The following KIAA0930 variants were observed in gnomAD, a reference collection of about 807,000 sequenced individuals.
The protein encoded by KIAA0930 is uncharacterized protein KIAA0930.
KIAA0930 carries 24 observed loss-of-function variants against 43.9 expected under a neutral mutation model. The ratio of observed to expected loss-of-function variants is 0.55; its 90% CI spans 0.40 to 0.77. The LOEUF (loss-of-function observed/expected upper bound fraction) is 0.77. Ranked by LOEUF, KIAA0930 falls within the 30% of genes least tolerant of loss-of-function variation. The probability of loss-of-function intolerance (pLI) is 0.00; values close to 1 mark genes in which losing one functional copy is unlikely to be tolerated. For missense variants in KIAA0930, 461 were observed against 574.2 expected, an observed-to-expected ratio of 0.80 and a Z score of 2.02; for synonymous variants, 259 against 216.4, an observed-to-expected ratio of 1.20 and a Z score of -1.73.
At chr22:45,216,064 A>T (rs1339651050) in intron 1 of KIAA0930, among the ~76,000 whole-genome samples, 2 of 151,854 alleles carry the variant, frequency 1.3e-5, no homozygotes, top group Admixed American at 1.3e-4. Flanking sequence ...GGGAGAGTGG[A>T]GAGAAAAGAG....
intron 1 of KIAA0930, among the ~76,000 whole-genome samples, chr22:45,219,689 T>C (rs2083756195): frequency 6.9e-6 from 1 of 145,654 alleles, no homozygotes; most frequent in African/African-American, 2.5e-5. Flanking sequence ...TTTCCTGGGC[T>C]CAAGCCATCC....
intron 1 of KIAA0930, among the ~76,000 whole-genome samples, chr22:45,216,950 A>C (rs1323737207): frequency 6.6e-6 from 1 of 152,208 alleles, no homozygotes; most frequent in African/African-American, 2.4e-5. Context: ...TGAACACTGA[A>C]TTAGTCAGTA....
At chr22:45,205,771 C>G in intron 3 of KIAA0930, 22 bp downstream of exon 3, 4 of 710,662 alleles carry the variant, frequency 5.6e-6, no homozygotes, top group Non-Finnish European at 9.8e-6. Flanking sequence ...CAATCCGCAG[C>G]CCCACCCATC....
chr22:45,211,956 C>T lies in KIAA0930; in HGVS notation c.216G>A (p.Lys72=), dbSNP rs1441077572. The T allele has an allele frequency of 3.1e-6, 5 of 1,610,482 alleles. No homozygotes were observed. ...GGGGCAGGGGCCGGGGGTCACTCAC[C>T]TTCCTCCCGTCTGCACCGCTTTCGC... The part of the protein sequence containing the change: ...SGSESGADGR[K]AAEPEVEVEV... Residue 72 remains lysine (K), a splice_region_variant and synonymous_variant, in exon 2 of 10, where the codon AAG becomes AAA. Transcript: ENST00000336156.
intron 1 of KIAA0930, among the ~76,000 whole-genome samples, chr22:45,220,913 G>A (rs2083764073): frequency 7.4e-6 from 1 of 134,812 alleles, no homozygotes; most frequent in Admixed American, 8.3e-5. Flanking sequence ...ACAAAACACT[G>A]CTTCCACCTT....
chr22:45,210,724 C>A (rs989814006), intron 2 of KIAA0930, among the ~76,000 whole-genome samples: 11 of 77,728 alleles, frequency 1.4e-4, no homozygotes, highest in African/African-American at 6.1e-4. Flanking sequence ...CCAGTCAGGC[C>A]TCCTCTTCAT....
intron 1 of KIAA0930, among the ~76,000 whole-genome samples, chr22:45,213,119 T>C (rs1174678465): frequency 6.6e-6 from 1 of 152,112 alleles, no homozygotes; most frequent in Non-Finnish European, 1.5e-5. Context: ...CAGAACCCTC[T>C]CTCGCGCTCA....
intron 4 of KIAA0930, 95 bp from the exon 5 acceptor site, chr22:45,205,413 GA>G: frequency 8.8e-7 from 1 of 1,133,614 alleles, no homozygotes; most frequent in East Asian, 2.4e-5. Flanking sequence ...ACCCGGCCCA[GA>G]GCCAGTCCAA....
intron 1 of KIAA0930, among the ~76,000 whole-genome samples, chr22:45,215,111 G>A (rs1460000549): frequency 2.0e-5 from 3 of 151,930 alleles, no homozygotes; most frequent in Admixed American, 6.6e-5. Flanking sequence ...CCAGCTACTC[G>A]GGAGGCTGAG....
At chr22:45,229,878 G>A (rs1012626642) in intron 1 of KIAA0930, among the ~76,000 whole-genome samples, 1 of 152,242 alleles carries the variant, frequency 6.6e-6, no homozygotes, top group Admixed American at 6.5e-5. Flanking sequence ...TGGATCACCT[G>A]AGGTCAGGAG....
chr22:45,230,112 C>T (rs1601826411), intron 1 of KIAA0930, among the ~76,000 whole-genome samples: 1 of 152,140 alleles, frequency 6.6e-6, no homozygotes, highest in Non-Finnish European at 1.5e-5. Flanking sequence ...ACATATGGGA[C>T]AATGCAGGTG....
At chr22:45,201,091 C>A in intron 7 of KIAA0930, 1 of 466,240 alleles carries the variant, frequency 2.1e-6, no homozygotes, top group Non-Finnish European at 4.4e-6. Context: ...GCCTCCTCGT[C>A]ACGGCTCCGA....
intron 9 of KIAA0930, among the ~76,000 whole-genome samples, 193 bp downstream of exon 9, chr22:45,197,597 G>A (rs76054837): frequency 0.067 from 10,228 of 152,290 alleles, 407 homozygotes; most frequent in Non-Finnish European, 0.086. Context: ...TGAACAAAGG[G>A]AGGACTTCAG....
At position 45,205,086 on chromosome 22, in the gene KIAA0930, G is replaced by A. The variant is rs2083624202; in HGVS notation, c.516+131C>T. The A allele has an allele frequency of 8.5e-6, 6 of 702,764 alleles. No homozygotes were observed. The Admixed American group carries it at 1.3e-4, about 16-fold the overall frequency. The allele number at this position is 702,764 out of a possible 1,614,324, so 43.5% of individuals were successfully genotyped here. On this transcript the variant is annotated intron_variant, in intron 5 of 9. Coordinates refer to ENST00000336156, the MANE Select transcript of KIAA0930 (RefSeq NM_001009880.2). ...ACTGGGAAGAGAGAGAGCCACATCT[G>A]CCTCAGCCGGACTCTTCCCGGCTCC...
intron 2 of KIAA0930, among the ~76,000 whole-genome samples, chr22:45,206,609 G>GA (rs1470388241): frequency 1.3e-5 from 2 of 152,102 alleles, no homozygotes; most frequent in Non-Finnish European, 2.9e-5. Context: ...CATGTTAACA[G>GA]ATCAGAGTCA....
intron 2 of KIAA0930, among the ~76,000 whole-genome samples, chr22:45,209,320 A>AGG (rs66491238): frequency 4.0e-5 from 6 of 151,710 alleles, no homozygotes; most frequent in African/African-American, 1.5e-4. Flanking sequence ...GGCTTTTGCC[A>AGG]GGGGGGGTCT....
At chr22:45,212,518 C>G in intron 1 of KIAA0930, 1 of 1,417,282 alleles carries the variant, frequency 7.1e-7, no homozygotes, top group Non-Finnish European at 9.2e-7. Context: ...TCACCAACAT[C>G]TCTCACCCCC....
At chr22:45,204,671 G>A (rs2083619919) in intron 5 of KIAA0930, among the ~76,000 whole-genome samples, 1 of 151,720 alleles carries the variant, frequency 6.6e-6, no homozygotes, top group Non-Finnish European at 1.5e-5. Context: ...AGACACAAAT[G>A]GGCAGAGCAG....
chr22:45,197,254 C>T (rs201130964), intron 9 of KIAA0930, 38 bp from the exon 10 acceptor site: 2 of 1,538,934 alleles, frequency 1.3e-6, no homozygotes, highest in African/African-American at 2.8e-5. Context: ...AAACAGTAAC[C>T]CTCAACAGCG....
Sources: gnomAD v4.1 joint callset for allele counts (sites outside exome capture counted in the v4.1 genomes callset) on GRCh38, gnomAD v4.1.1 for gene constraint, MANE v1.5 for transcripts, NCBI Gene and HGNC (gene_info 2026-07-23, HGNC 2026-07-21) for gene names.